AOC1: variants seen among roughly 807,000 people sequenced by gnomAD.
AOC1 encodes diamine oxidase [copper-containing].
A neutral mutation model predicts 57.1 loss-of-function variants in AOC1; 58 were observed. The observed-to-expected ratio is 1.02, with a 90% confidence interval of 0.82 to 1.26. The LOEUF (loss-of-function observed/expected upper bound fraction) is 1.26. Among genes scored for constraint, AOC1 ranks in the 50% most tolerant of loss-of-function variants. AOC1 has a pLI of 0.00. For synonymous variants in AOC1, 401 were observed against 423.4 expected, an observed-to-expected ratio of 0.95 and a Z score of 0.65; for missense variants, 917 against 1,005.3, an observed-to-expected ratio of 0.91 and a Z score of 1.19.
Position 150,857,508 on chromosome 7 carries a change from T to G in AOC1, c.1038T>G (p.Ile346Met), listed in dbSNP as rs371131201. 6.2e-7 allele frequency: 1 copy of G among 1,613,768 alleles called. No individual in the cohort carries two copies. Among genetic ancestry groups the G allele is most frequent in the Non-Finnish European group, 8.5e-7 (1 of 1,179,976 alleles). ...ACGTGCACTTCGGCGGAGAGCGCATTGCCTATGAGGTCAGCGTGCAAGAGG... is the reference window on the plus strand; with the variant it reads ...ACGTGCACTTCGGCGGAGAGCGCATGGCCTATGAGGTCAGCGTGCAAGAGG... ...VLNVHFGGER[I>M]AYEVSVQEAV... Residue 346 changes from isoleucine (I) to methionine (M), a missense_variant, in exon 2 of 5, where the codon ATT becomes ATG. Physicochemically the swap from Ile to Met is conservative, Grantham distance 10 (BLOSUM62 1). Coordinates refer to ENST00000360937, the MANE Select transcript of AOC1 (RefSeq NM_001091.4). The surrounding 1 kb of genome is among the most constrained non-coding windows in gnomAD (Gnocchi z 6.6).
Position 150,857,827 on chromosome 7 carries a change from C to G in AOC1, c.1357C>G (p.Arg453Gly), listed in dbSNP as rs760642299. Residue 453 changes from arginine (R) to glycine (G), a missense_variant, in exon 2 of 5, where the codon CGG (arginine) becomes GGG (glycine). Transcript: ENST00000360937. The surrounding 1 kb of genome is among the most constrained non-coding windows in gnomAD (Gnocchi z 6.6). ...AGLKGQVLVL[R>G]TTSTVYNYDY... The stretch of plus-strand genomic sequence containing the variant: ...GCTGAAGGGCCAGGTGCTGGTGCTG[C>G]GGACAACTTCAACTGTCTACAATTA... 1 of 1,614,016 alleles carries G rather than the reference C, an allele frequency of 6.2e-7. No individual in the cohort carries two copies. The highest frequency in any genetic ancestry group is 1.3e-5 in the African/African-American group (1 of 74,936).
rs1205761281 is a variant in AOC1, at chr7:150,860,688, G to A, written c.1989+55G>A. On this transcript the variant is annotated intron_variant, in intron 4 of 4. Transcript: ENST00000360937. ...GCTGGCCCTGCCTCCTTCCAGCTCA[G>A]CCCAGGACCATCCTCATCACCATCA... 3 of 1,582,266 alleles carry A rather than the reference G, an allele frequency of 1.9e-6. No individual in the cohort carries two copies. The African/African-American group carries it at 4.0e-5, about 21-fold the overall frequency.
At chr7:150,860,191 A>C (rs964653676) in intron 3 of AOC1, among the ~76,000 whole-genome samples, 5 of 142,522 alleles carry the variant, frequency 3.5e-5, no homozygotes, top group African/African-American at 9.1e-5. Context: ...AAAAAGAAAA[A>C]GAAAAGAAAA....
In AOC1 at chr7:150,857,279, G is replaced by A. The variant is rs758936955; in HGVS notation, c.809G>A (p.Gly270Asp). 16 of 1,607,754 alleles carry A rather than the reference G, an allele frequency of 1.0e-5. No homozygotes were observed. Among genetic ancestry groups the A allele is most frequent in the Non-Finnish European group, 1.4e-5 (16 of 1,176,854 alleles). Residue 270 changes from glycine to aspartate, a missense_variant, in exon 2 of 5, where the codon GGC (glycine) becomes GAC (aspartate). Coordinates refer to ENST00000360937, the MANE Select transcript of AOC1 (RefSeq NM_001091.4). The surrounding 1 kb of genome is among the most constrained non-coding windows in gnomAD (Gnocchi z 6.6). ...GTCCTGGAGGACCCGCTGCCTGGGG[G>A]CAAGGGGCATGACAGCACAGAGGAG... ...VVVLEDPLPG[G>D]KGHDSTEEPP...
At chr7:150,858,719 C>T (rs199673155) in intron 2 of AOC1, 44 bp from the exon 3 acceptor site, 1 of 1,550,072 alleles carries the variant, frequency 6.5e-7, no homozygotes, top group East Asian at 2.3e-5. Context: ...GGTTTCAGTT[C>T]TGGCAGCTTG....
Position 150,861,287 on chromosome 7 carries a change from C to T in AOC1, c.*78C>T, listed in dbSNP as rs1318340575. The T allele has an allele frequency of 6.9e-7, 1 of 1,445,074 alleles. No individual in the cohort carries two copies. The highest frequency in any genetic ancestry group is 9.2e-7 in the Non-Finnish European group (1 of 1,081,280). The allele number at this position is 1,445,074 out of a possible 1,614,324, so 89.5% of individuals were successfully genotyped here. On this transcript the variant is annotated 3_prime_UTR_variant, in exon 5 of 5. Coordinates refer to ENST00000360937, the MANE Select transcript of AOC1 (RefSeq NM_001091.4). The surrounding 1 kb of genome is among the most constrained non-coding windows in gnomAD (Gnocchi z 4.5). Reference sequence around the variant, plus strand: ...GGGGCAGACAATAAACCCTCAGAGCCTCGCTCTGTGTGCTGCTTCTTGCGG... The same window carrying T: ...GGGGCAGACAATAAACCCTCAGAGCTTCGCTCTGTGTGCTGCTTCTTGCGG...
chr7:150,858,789 C>A lies in AOC1; in HGVS notation c.1597C>A (p.Gln533Lys). ...CACCAAGAACAGCTTCCAGACACTG[C>A]AGATGAAGCTAGAAAACATCACCAA... ...AGTKNSFQTL[Q>K]MKLENITNPW... Residue 533 changes from glutamine to lysine, a missense_variant, in exon 3 of 5, where the codon CAG becomes AAG. Gln to Lys is a moderately conservative substitution (Grantham distance 53, BLOSUM62 1). Coordinates refer to ENST00000360937, the MANE Select transcript of AOC1 (RefSeq NM_001091.4). 1.9e-6 allele frequency: 3 copies of A among 1,609,452 alleles called. No individual in the cohort carries two copies. The highest frequency in any genetic ancestry group is 2.6e-6 in the Non-Finnish European group (3 of 1,176,182).
Position 150,857,247 on chromosome 7 carries a change from CGT to C in AOC1, c.779_780del (p.Val260GlyfsTer14). ...GGAAGTATGCAGATGGAGAGGTGGA[CGT>C]GGTGGTCCTGGAGGACCCGCTGCCT... Reference protein sequence around the residue: ...ARKYADGEVDVVVLEDPLPGG... With the variant: ...ARKYADGEVDXVVLEDPLPGG... On this transcript the variant is annotated frameshift_variant, in exon 2 of 5. Coordinates refer to ENST00000360937, the MANE Select transcript of AOC1 (RefSeq NM_001091.4). LOFTEE classifies it high-confidence loss of function. This position sits in a 1 kb window ranked among gnomAD's most constrained non-coding sequence, Gnocchi z 6.6. The C allele has an allele frequency of 6.2e-7, 1 of 1,611,266 alleles. No homozygotes were observed.
chr7:150,860,843 A>C (rs1171016434), intron 4 of AOC1, 100 bp from the exon 5 acceptor site: 1 of 1,487,414 alleles, frequency 6.7e-7, no homozygotes, highest in Non-Finnish European at 9.0e-7. Context: ...AGAGGAATTC[A>C]GCAAGTTTCC....
chr7:150,853,661 C>CTATATATATATATATATATA (rs201712777), intron 1 of AOC1, among the ~76,000 whole-genome samples: 1 of 62,798 alleles, frequency 1.6e-5, no homozygotes, highest in African/African-American at 8.6e-5. Flanking sequence ...GAGATCCTGA[C>CTATATATATATATATATATA]TATATATATA....
chr7:150,860,924 C>T lies in AOC1; in HGVS notation c.1990-19C>T. On this transcript the variant is annotated intron_variant, in intron 4 of 4. Coordinates refer to ENST00000360937, the MANE Select transcript of AOC1 (RefSeq NM_001091.4). ...CAGTACTCAGCCCTGCCCACTGAAG[C>T]CCACCCTGTCTCCTGCAGGACCTGG... The T allele has an allele frequency of 6.2e-7, 1 of 1,604,120 alleles. No individual in the cohort carries two copies. The highest frequency in any genetic ancestry group is 8.5e-7 in the Non-Finnish European group (1 of 1,176,162).
In AOC1 at chr7:150,861,022, A is replaced by T; in HGVS notation, c.2069A>T (p.Asn690Ile). The T allele has an allele frequency of 6.2e-7, 1 of 1,613,708 alleles. No homozygotes were observed. The highest frequency in any genetic ancestry group is 8.5e-7 in the Non-Finnish European group (1 of 1,179,890). Residue 690 changes from asparagine to isoleucine, a missense_variant, in exon 5 of 5, where the codon AAC becomes ATC. Coordinates refer to ENST00000360937, the MANE Select transcript of AOC1 (RefSeq NM_001091.4). This position sits in a 1 kb window ranked among gnomAD's most constrained non-coding sequence, Gnocchi z 4.5. ...EDIPNTATPG[N>I]SVGFLLRPFN... is the part of the protein sequence containing the mutation. ...ATTCCCAACACAGCCACACCTGGGAACTCCGTGGGCTTCCTGCTCCGGCCA... is the reference window on the plus strand; with the variant it reads ...ATTCCCAACACAGCCACACCTGGGATCTCCGTGGGCTTCCTGCTCCGGCCA...
chr7:150,853,661 CTATATATATATATATATA>C lies in AOC1; in HGVS notation c.-17+1123_-17+1140del, dbSNP rs201712777. The stretch of plus-strand genomic sequence containing the variant: ...CCTGGGCAACATAGTGAGATCCTGA[CTATATATATATATATATA>C]TATATATATATATATATATTTATTT... On this transcript the variant is annotated intron_variant, in intron 1 of 4. Coordinates refer to ENST00000360937, the MANE Select transcript of AOC1 (RefSeq NM_001091.4). Among the ~76,000 whole-genome samples, 37 of 62,760 alleles carry C rather than the reference CTATATATATATATATATA, an allele frequency of 5.9e-4. 1 individual carries two copies. Among genetic ancestry groups the C allele is most frequent in the African/African-American group, 2.0e-3 (23 of 11,584 alleles). The allele number at this position is 62,760 out of a possible 152,430, so 41.2% of individuals were successfully genotyped here. A position where few individuals can be genotyped will look rare whatever the true frequency, so the allele number is the denominator to read the frequency against.
At position 150,861,401 on chromosome 7, in the gene AOC1, C is replaced by T; in HGVS notation, c.*192C>T. 1.7e-6 allele frequency: 1 copy of T among 595,062 alleles called. No homozygotes were observed. The highest frequency in any genetic ancestry group is 2.8e-6 in the Non-Finnish European group (1 of 354,886). The allele number at this position is 595,062 out of a possible 1,614,324, so 36.9% of individuals were successfully genotyped here. A position where few individuals can be genotyped will look rare whatever the true frequency, so the allele number is the denominator to read the frequency against. ...ACACACACAGACATGCACACACACA[C>T]AGACGTGCACACACACAGACGTGCA... is the stretch of plus-strand genomic sequence containing the variant. On this transcript the variant is annotated 3_prime_UTR_variant, in exon 5 of 5. Transcript: ENST00000360937. This position sits in a 1 kb window ranked among gnomAD's most constrained non-coding sequence, Gnocchi z 4.5.
In AOC1 at chr7:150,857,558, C is replaced by A; in HGVS notation, c.1088C>A (p.Thr363Lys). 1 of 1,614,058 alleles carries A rather than the reference C, an allele frequency of 6.2e-7. No homozygotes were observed. The highest frequency in any genetic ancestry group is 8.5e-7 in the Non-Finnish European group (1 of 1,180,004). Residue 363 changes from threonine to lysine, a missense_variant, in exon 2 of 5, where the codon ACA (threonine) becomes AAA (lysine). Transcript: ENST00000360937. This position sits in a 1 kb window ranked among gnomAD's most constrained non-coding sequence, Gnocchi z 6.6. ...GCAGTGGCGCTGTATGGAGGACACA[C>A]ACCTGCAGGCATGCAGACCAAGTAC... The part of the protein sequence containing the change: ...QEAVALYGGH[T>K]PAGMQTKYLD...
At chr7:150,855,586 G>A (rs1433998024) in intron 1 of AOC1, among the ~76,000 whole-genome samples, 1 of 152,142 alleles carries the variant, frequency 6.6e-6, no homozygotes, top group Non-Finnish European at 1.5e-5. Flanking sequence ...AGTAGCCTTG[G>A]GTGGACAAGA....
chr7:150,859,264 C>T (rs545426126), intron 3 of AOC1, among the ~76,000 whole-genome samples: 12 of 152,228 alleles, frequency 7.9e-5, no homozygotes, highest in African/African-American at 2.2e-4. Context: ...AACTATGACT[C>T]CCCCACAACG....
chr7:150,858,886 C>G lies in AOC1; in HGVS notation c.1694C>G (p.Ala565Gly), dbSNP rs762255132. The change falls in exon 3 of 5, where the codon GCG becomes GGG. Residue 565 changes from alanine (A) to glycine (G), a missense_variant. Transcript: ENST00000360937. ...EQTQYSWERQAAFRFKRKLPK... is the reference protein window; with the variant it reads ...EQTQYSWERQGAFRFKRKLPK... ...ACGCAGTACTCCTGGGAGCGCCAGG[C>G]GGCCTTCCGCTTCAAAAGGAAGCTG... 1 of 1,613,566 alleles carries G rather than the reference C, an allele frequency of 6.2e-7. No individual in the cohort carries two copies. Among genetic ancestry groups the G allele is most frequent in the African/African-American group, 1.3e-5 (1 of 74,906 alleles).
chr7:150,859,029 C>G lies in AOC1; in HGVS notation c.1837C>G (p.Gln613Glu). 6.3e-7 allele frequency: 1 copy of G among 1,580,910 alleles called. No homozygotes were observed. Among genetic ancestry groups the G allele is most frequent in the Non-Finnish European group, 8.6e-7 (1 of 1,158,018 alleles). ...QVLPPGWQEE[Q>E]AITWARYPLA... The stretch of plus-strand genomic sequence containing the variant: ...GCTGCCCCCAGGCTGGCAGGAGGAG[C>G]AGGCCATCACCTGGGCAAGGTGAGG... Residue 613 changes from glutamine to glutamate, a missense_variant, in exon 3 of 5, where the codon CAG becomes GAG. Coordinates refer to ENST00000360937, the MANE Select transcript of AOC1 (RefSeq NM_001091.4).
Sources: gnomAD v4.1 joint callset for allele counts (sites outside exome capture counted in the v4.1 genomes callset) on GRCh38, gnomAD v4.1.1 for gene constraint, Gnocchi (gnomAD v3.1) non-coding constraint, MANE v1.5 for transcripts, NCBI Gene and HGNC (gene_info 2026-07-23, HGNC 2026-07-21) for gene names.